PAG1: variants seen among roughly 807,000 people sequenced by gnomAD.
PAG1 encodes phosphoprotein associated with glycosphingolipid-enriched microdomains 1.
In PAG1, 23 loss-of-function variants were observed where a neutral mutation model predicts 31.7. That is an observed-to-expected ratio of 0.73 (90% confidence interval 0.52 to 1.03). The LOEUF is 1.03. Ranked by LOEUF, PAG1 falls within the 50% of genes least tolerant of loss-of-function variation. The pLI is 0.00. For synonymous variants in PAG1, 214 were observed against 210.3 expected, an observed-to-expected ratio of 1.02 and a Z score of -0.15; for missense variants, 473 against 540.7, an observed-to-expected ratio of 0.87 and a Z score of 1.24.
chr8:81,075,013 T>G (rs1035915136), intron 1 of PAG1, among the ~76,000 whole-genome samples: 5 of 152,214 alleles, frequency 3.3e-5, no homozygotes, highest in African/African-American at 1.2e-4. Flanking sequence ...CTCCAAATGC[T>G]GGTTAGCCTT....
At chr8:81,038,908 G>A (rs1808507084) in intron 2 of PAG1, among the ~76,000 whole-genome samples, 1 of 152,198 alleles carries the variant, frequency 6.6e-6, no homozygotes. Context: ...TCAGTGAGAT[G>A]TAATGCTCAC....
chr8:81,078,483 A>C (rs1809212748), intron 1 of PAG1, among the ~76,000 whole-genome samples: 1 of 152,216 alleles, frequency 6.6e-6, no homozygotes, highest in Non-Finnish European at 1.5e-5. Flanking sequence ...AAGGTTGGAA[A>C]CAAGTTCTCC....
chr8:81,066,090 CA>C (rs1809001759), intron 2 of PAG1, among the ~76,000 whole-genome samples: 3 of 152,316 alleles, frequency 2.0e-5, no homozygotes, highest in Admixed American at 6.5e-5. Context: ...GACAGATCAA[CA>C]GGGCCACTAC....
At chr8:81,035,180 GC>G (rs773133274) in intron 2 of PAG1, among the ~76,000 whole-genome samples, 6 of 152,104 alleles carry the variant, frequency 3.9e-5, no homozygotes, top group Non-Finnish European at 8.8e-5. Flanking sequence ...ACAGAATCTA[GC>G]CACTGAGCAG....
At chr8:81,010,515 T>A (rs1463840736) in intron 3 of PAG1, among the ~76,000 whole-genome samples, 1 of 152,252 alleles carries the variant, frequency 6.6e-6, no homozygotes, top group Non-Finnish European at 1.5e-5. Context: ...TCTCTTGGCC[T>A]GTTACTTGTT....
At chr8:81,035,814 G>A (rs1330945575) in intron 2 of PAG1, among the ~76,000 whole-genome samples, 2 of 151,926 alleles carry the variant, frequency 1.3e-5, no homozygotes, top group Non-Finnish European at 2.9e-5. Context: ...ACATTATTTA[G>A]AAGGCCAAAG....
Position 80,968,648 on chromosome 8 carries a change from TAAAAC to T in PAG1, c.*7891_*7895del, listed in dbSNP as rs1418280123. The T allele has an allele frequency of 1.3e-5, 2 of 152,190 alleles. No individual in the cohort carries two copies. The highest frequency in any genetic ancestry group is 1.9e-4 in the East Asian group (1 of 5,200). The allele number at this position is 152,190 out of a possible 1,614,324, so 9.4% of individuals were successfully genotyped here. ...AATATGAGGAGTTTCTTTTCCTAGT[TAAAAC>T]AAAGTAGATGTCTTTACAAGAAATA... On this transcript the variant is annotated 3_prime_UTR_variant, in exon 9 of 9. Transcript: ENST00000220597.
intron 1 of PAG1, among the ~76,000 whole-genome samples, chr8:81,082,036 T>G (rs1181990866): frequency 6.6e-6 from 1 of 151,924 alleles, no homozygotes; most frequent in Non-Finnish European, 1.5e-5. Flanking sequence ...GCAGAACACC[T>G]GAGGTCAGGA....
In PAG1 at chr8:80,973,245, C is replaced by T. The variant is rs1807114108; in HGVS notation, c.*3299G>A. On this transcript the variant is annotated 3_prime_UTR_variant, in exon 9 of 9. Transcript: ENST00000220597. ...GTAGCCAACATTCTTGCAAGAATTA[C>T]TTTCTTATGGAATTTAAGATTTCCT... 6.6e-6 allele frequency: 1 copy of T among 152,036 alleles called. No homozygotes were observed. Among genetic ancestry groups the T allele is most frequent in the African/African-American group, 2.4e-5 (1 of 41,400 alleles). 9.4% of individuals were successfully genotyped at this position (152,036 alleles called of 1,614,324 possible). A position where few individuals can be genotyped will look rare whatever the true frequency, so the allele number is the denominator to read the frequency against.
At chr8:81,063,772 T>TG (rs1293828253) in intron 2 of PAG1, among the ~76,000 whole-genome samples, 2 of 152,080 alleles carry the variant, frequency 1.3e-5, no homozygotes, top group African/African-American at 4.8e-5. Context: ...GTGATTTTAT[T>TG]GGGGAACTTA....
At chr8:81,085,453 TTG>T (rs1278466513) in intron 1 of PAG1, among the ~76,000 whole-genome samples, 1 of 152,144 alleles carries the variant, frequency 6.6e-6, no homozygotes, top group Non-Finnish European at 1.5e-5. Flanking sequence ...AAAAGGTGCA[TTG>T]TGTTCTGTGA....
rs529854726 is a variant in PAG1, at chr8:80,982,659, A to G, written c.876+2117T>C. On this transcript the variant is annotated intron_variant, in intron 7 of 8. Coordinates refer to ENST00000220597, the MANE Select transcript of PAG1 (RefSeq NM_018440.4). ...AGCTCTACTTGGAAGTCCAATCGGT[A>G]TCTCAAGTTGAACGTACCCAACACT... 3.9e-5 allele frequency among the ~76,000 whole-genome samples: 6 copies of G among 152,298 alleles called. No individual in the cohort carries two copies. In the East Asian group the frequency reaches 7.7e-4, roughly 20 times the overall value.
At position 80,973,368 on chromosome 8, in the gene PAG1, A is replaced by G. The variant is rs958099165; in HGVS notation, c.*3176T>C. 1.1e-4 allele frequency: 17 copies of G among 152,324 alleles called. No individual in the cohort carries two copies. The highest frequency in any genetic ancestry group is 4.1e-4 in the African/African-American group (17 of 41,580). 9.4% of individuals were successfully genotyped at this position (152,324 alleles called of 1,614,324 possible). ...GACTATTTCAGAAAGTAGACACACT[A>G]AAAACATTTGACAAATTAAAAAAAT... On this transcript the variant is annotated 3_prime_UTR_variant, in exon 9 of 9. Transcript: ENST00000220597.
intron 3 of PAG1, among the ~76,000 whole-genome samples, chr8:81,025,199 T>C (rs1225467222): frequency 1.3e-5 from 2 of 152,154 alleles, no homozygotes. Flanking sequence ...CCAAATGATG[T>C]TGACAGACAT....
chr8:81,108,074 G>C (rs1042469791), intron 1 of PAG1, among the ~76,000 whole-genome samples: 88 of 152,152 alleles, frequency 5.8e-4, no homozygotes, highest in Admixed American at 1.2e-3. Flanking sequence ...ACACAGATAA[G>C]CCACTAAATA....
intron 2 of PAG1, among the ~76,000 whole-genome samples, chr8:81,062,683 G>T (rs1297272981): frequency 1.5e-5 from 2 of 133,714 alleles, no homozygotes; most frequent in African/African-American, 2.5e-5. Flanking sequence ...CCTCTCAACA[G>T]AAATCTTTTT....
At chr8:81,037,809 A>C (rs888793562) in intron 2 of PAG1, among the ~76,000 whole-genome samples, 3 of 152,244 alleles carry the variant, frequency 2.0e-5, no homozygotes, top group African/African-American at 4.8e-5. Flanking sequence ...TTCACCTCTC[A>C]ATGTTATTTC....
intron 7 of PAG1, among the ~76,000 whole-genome samples, chr8:80,982,136 G>A (rs1214487131): frequency 2.0e-5 from 3 of 152,098 alleles, no homozygotes; most frequent in Non-Finnish European, 4.4e-5. Flanking sequence ...AAAGTGTTAC[G>A]ATTACAGGCA....
At chr8:81,032,318 A>G (rs1417126268) in intron 2 of PAG1, among the ~76,000 whole-genome samples, 1 of 152,194 alleles carries the variant, frequency 6.6e-6, no homozygotes, top group Non-Finnish European at 1.5e-5. Context: ...GTATGTGATA[A>G]GGGACTTATA....
Sources: allele counts gnomAD v4.1 joint callset (sites outside exome capture counted in the v4.1 genomes callset), GRCh38; gene constraint gnomAD v4.1.1; transcripts MANE v1.5; gene names NCBI Gene and HGNC (gene_info 2026-07-23, HGNC 2026-07-21).